Variants in JPH1 observed in about 807,000 individuals in gnomAD.
JPH1 encodes junctophilin-1.
JPH1 carries 12 observed loss-of-function variants against 53.6 expected under a neutral mutation model. The observed-to-expected ratio is 0.22, with a 90% CI of 0.14 to 0.36. The LOEUF is 0.36. JPH1 is among the 10% of genes least tolerant of loss of function. The pLI, the probability that JPH1 is intolerant of heterozygous loss-of-function variation, is 1.00. For missense variants in JPH1, 808 were observed against 905.5 expected, an observed-to-expected ratio of 0.89 and a Z score of 1.38; for synonymous variants, 375 against 363.8, an observed-to-expected ratio of 1.03 and a Z score of -0.35.
chr8:74,299,742 C>T (rs1400402658), intron 2 of JPH1, among the ~76,000 whole-genome samples: 1 of 152,146 alleles, frequency 6.6e-6, no homozygotes, highest in Non-Finnish European at 1.5e-5. Context: ...CTGTCTGAGG[C>T]TTGTTTTGTT....
Position 74,245,042 on chromosome 8 carries a change from T to C in JPH1, c.1392A>G (p.Arg464=). The change falls in exon 4 of 6, where the codon AGA becomes AGG. Residue 464 remains arginine (R), a synonymous_variant. Coordinates refer to ENST00000342232, the MANE Select transcript of JPH1 (RefSeq NM_020647.4). The part of the protein sequence containing the change: ...HFYRKGTTPP[R]SPEASPKHSH... ...TGTGTTTGGGACTTGCCTCAGGAGA[T>C]CTTGGGGGTGTCGTGCCTTTGCGAT... 1 of 1,613,868 alleles carries C rather than the reference T, an allele frequency of 6.2e-7. No individual in the cohort carries two copies. The highest frequency in any genetic ancestry group is 8.5e-7 in the Non-Finnish European group (1 of 1,179,990).
chr8:74,311,850 T>G (rs1808006348), intron 2 of JPH1, among the ~76,000 whole-genome samples: 1 of 152,128 alleles, frequency 6.6e-6, no homozygotes, highest in Non-Finnish European at 1.5e-5. Context: ...GGACATGAAC[T>G]CATCATTTTT....
At chr8:74,277,658 T>C (rs1012121893) in intron 2 of JPH1, among the ~76,000 whole-genome samples, 2 of 152,186 alleles carry the variant, frequency 1.3e-5, no homozygotes, top group Admixed American at 6.5e-5. Flanking sequence ...TCACTGTGCC[T>C]GAGTTTCTTA....
At chr8:74,254,302 A>G (rs1806154120) in intron 3 of JPH1, among the ~76,000 whole-genome samples, 1 of 152,162 alleles carries the variant, frequency 6.6e-6, no homozygotes. Context: ...CCACATGATT[A>G]TCTCAATAGA....
At chr8:74,275,203 T>A (rs570929342) in intron 2 of JPH1, among the ~76,000 whole-genome samples, 2 of 152,184 alleles carry the variant, frequency 1.3e-5, no homozygotes, top group Non-Finnish European at 2.9e-5. Context: ...TAAATGTCCC[T>A]AACACAGGAG....
chr8:74,241,432 G>A (rs995515289), intron 4 of JPH1, among the ~76,000 whole-genome samples: 5 of 152,214 alleles, frequency 3.3e-5, no homozygotes, highest in Non-Finnish European at 7.3e-5. Context: ...TGGGACAGGT[G>A]TAATACAAGA....
intron 2 of JPH1, among the ~76,000 whole-genome samples, chr8:74,302,659 G>T (rs1196653793): frequency 6.6e-6 from 1 of 152,130 alleles, no homozygotes; most frequent in Non-Finnish European, 1.5e-5. Context: ...AGTGTTGCTG[G>T]TGCAAAGAGC....
intron 2 of JPH1, among the ~76,000 whole-genome samples, chr8:74,282,155 G>A (rs577899063): frequency 6.6e-6 from 1 of 152,206 alleles, no homozygotes; most frequent in South Asian, 2.1e-4. Context: ...TAATTTACTT[G>A]CCCAAGTTGG....
intron 2 of JPH1, among the ~76,000 whole-genome samples, chr8:74,261,788 T>A (rs952514883): frequency 6.6e-6 from 1 of 152,218 alleles, no homozygotes; most frequent in African/African-American, 2.4e-5. Context: ...CATAAGAGTA[T>A]AGCTATGCTG....
chr8:74,296,554 G>T (rs2131440570), intron 2 of JPH1, among the ~76,000 whole-genome samples: 1 of 152,280 alleles, frequency 6.6e-6, no homozygotes, highest in Non-Finnish European at 1.5e-5. Flanking sequence ...AATGGGGAAA[G>T]GAGGAACAGA....
intron 3 of JPH1, among the ~76,000 whole-genome samples, chr8:74,247,559 C>T (rs1276502509): frequency 6.6e-6 from 1 of 151,992 alleles, no homozygotes; most frequent in Non-Finnish European, 1.5e-5. Flanking sequence ...CTTAAATATA[C>T]AGAAAAGAGT....
chr8:74,312,729 G>A (rs1808034196), intron 2 of JPH1, among the ~76,000 whole-genome samples: 1 of 152,086 alleles, frequency 6.6e-6, no homozygotes, highest in African/African-American at 2.4e-5. Flanking sequence ...GTTTCTATGA[G>A]TTTGACCATT....
At chr8:74,309,787 T>C (rs16938867) in intron 2 of JPH1, among the ~76,000 whole-genome samples, 9,498 of 152,176 alleles carry the variant, frequency 0.062, 1,003 homozygotes, top group African/African-American at 0.22. Context: ...ACAACAGGAA[T>C]GGTGGGATGA....
At chr8:74,293,684 CTCACAT>C (rs1807407287) in intron 2 of JPH1, among the ~76,000 whole-genome samples, 1 of 152,192 alleles carries the variant, frequency 6.6e-6, no homozygotes, top group Non-Finnish European at 1.5e-5. Flanking sequence ...GGTGATGCAG[CTCACAT>C]TCACTTCTTT....
chr8:74,281,696 G>A (rs1397572629), intron 2 of JPH1, among the ~76,000 whole-genome samples: 2 of 152,128 alleles, frequency 1.3e-5, no homozygotes, highest in East Asian at 3.9e-4. Context: ...TGTGGTTAGT[G>A]GGAGCTACCC....
chr8:74,281,442 G>C (rs1807014539), intron 2 of JPH1, among the ~76,000 whole-genome samples: 1 of 152,218 alleles, frequency 6.6e-6, no homozygotes, highest in East Asian at 1.9e-4. Flanking sequence ...TAAGTGGACA[G>C]ATGTGTCTAC....
At chr8:74,263,847 C>T (rs1330365983) in intron 2 of JPH1, among the ~76,000 whole-genome samples, 1 of 152,116 alleles carries the variant, frequency 6.6e-6, no homozygotes, top group Admixed American at 6.6e-5. Flanking sequence ...TGGACTGTGA[C>T]ATTATTCATT....
At position 74,244,760 on chromosome 8, in the gene JPH1, G is replaced by A. The variant is rs1459148848; in HGVS notation, c.1674C>T (p.Asn558=). ...SQYHGYYVKL[N]APQHPPVDVE... ...CGTCTACTGGAGGGTGCTGGGGGGC[G>A]TTCAGCTTCACGTAGTAGCCGTGAT... The change falls in exon 4 of 6, where the codon AAC becomes AAT. Residue 558 remains asparagine (N), a synonymous_variant. Transcript: ENST00000342232. The A allele has an allele frequency of 3.7e-5, 59 of 1,614,068 alleles. No individual in the cohort carries two copies. Among genetic ancestry groups the A allele is most frequent in the Middle Eastern group, 1.6e-4 (1 of 6,084 alleles).
rs201897497 is a variant in JPH1, at chr8:74,315,184, G to C, written c.816C>G (p.His272Gln). 6.2e-7 allele frequency: 1 copy of C among 1,614,192 alleles called. No homozygotes were observed. Among genetic ancestry groups the C allele is most frequent in the East Asian group, 2.2e-5 (1 of 44,884 alleles). Residue 272 changes from histidine (H) to glutamine (Q), a missense_variant, in exon 2 of 6, where the codon CAC (histidine) becomes CAG (glutamine). By Grantham distance (24) the His-to-Gln change is conservative. Transcript: ENST00000342232. The surrounding 1 kb of genome is among the most constrained non-coding windows in gnomAD (Gnocchi z 6.3). ...AGGTTTCCGTGGTGGTGGCGTCCAC[G>C]TGGTCTTCCACCGGGCAAAAATCAC... is the stretch of plus-strand genomic sequence containing the variant. Reference protein sequence around the residue: ...VDCDFCPVEDHVDATTTETYM... With the variant: ...VDCDFCPVEDQVDATTTETYM...
Sources: allele counts gnomAD v4.1 joint callset (sites outside exome capture counted in the v4.1 genomes callset), GRCh38; gene constraint gnomAD v4.1.1; non-coding constraint Gnocchi (gnomAD v3.1); transcripts MANE v1.5; gene names NCBI Gene and HGNC (gene_info 2026-07-23, HGNC 2026-07-21).